CHN1: variants seen among roughly 807,000 people sequenced by gnomAD.
The protein encoded by CHN1 is chimerin 1.
In CHN1, 37 loss-of-function variants were observed where a neutral mutation model predicts 59.5. The ratio of observed to expected loss-of-function variants is 0.62; its 90% CI spans 0.48 to 0.82. The LOEUF (loss-of-function observed/expected upper bound fraction) is 0.82. Ranked by LOEUF, CHN1 falls within the 40% of genes least tolerant of loss-of-function variation. CHN1 has a pLI of 0.00. For missense variants in CHN1, 469 were observed against 571.0 expected (o/e 0.82, Z 1.82); for synonymous variants, 206 against 200.4 (o/e 1.03, Z -0.24).
chr2:174,962,683 G>C (rs1451755581), intron 1 of CHN1, among the ~76,000 whole-genome samples: 2 of 74,912 alleles, frequency 2.7e-5, no homozygotes, highest in Non-Finnish European at 5.6e-5. Flanking sequence ...GGGGGGGGGG[G>C]CAGATCACCT....
intron 5 of CHN1, among the ~76,000 whole-genome samples, chr2:174,887,091 C>T (rs1687917285): frequency 6.6e-6 from 1 of 151,964 alleles, no homozygotes; most frequent in African/African-American, 2.4e-5. Flanking sequence ...TTCTTTTGTG[C>T]TTGGATAGCT....
At chr2:174,875,045 T>C (rs1222324480) in intron 6 of CHN1, among the ~76,000 whole-genome samples, 3 of 151,902 alleles carry the variant, frequency 2.0e-5, no homozygotes, top group African/African-American at 7.3e-5. Context: ...GGCTAATTTT[T>C]GTATTTTTAG....
chr2:174,959,545 G>A (rs76754451), intron 1 of CHN1, among the ~76,000 whole-genome samples: 5 of 152,142 alleles, frequency 3.3e-5, no homozygotes, highest in Admixed American at 6.6e-5. Context: ...TCCTGAAAAG[G>A]AAGAAACATT....
intron 1 of CHN1, among the ~76,000 whole-genome samples, chr2:174,977,393 C>CT (rs1690982527): frequency 1.3e-5 from 2 of 152,174 alleles, no homozygotes; most frequent in South Asian, 4.1e-4. Context: ...AAATCTTCCT[C>CT]TGTCAAAGAA....
chr2:174,839,407 G>A (rs918494167), intron 7 of CHN1, among the ~76,000 whole-genome samples: 2 of 152,146 alleles, frequency 1.3e-5, no homozygotes, highest in African/African-American at 2.4e-5. Flanking sequence ...GATGTTAAGT[G>A]AAATAAGTCA....
At chr2:174,910,267 C>A (rs986969959) in intron 5 of CHN1, among the ~76,000 whole-genome samples, 5 of 152,076 alleles carry the variant, frequency 3.3e-5, no homozygotes, top group Non-Finnish European at 7.4e-5. Context: ...CAGGTTAAGT[C>A]ATTGTGAAAA....
At chr2:174,997,791 G>T (rs1691756532) in intron 1 of CHN1, among the ~76,000 whole-genome samples, 1 of 152,060 alleles carries the variant, frequency 6.6e-6, no homozygotes, top group Non-Finnish European at 1.5e-5. Context: ...CAGCACTTTG[G>T]GAGACCGAGG....
At chr2:174,900,956 C>T (rs1282919748) in intron 5 of CHN1, among the ~76,000 whole-genome samples, 2 of 151,916 alleles carry the variant, frequency 1.3e-5, no homozygotes, top group Non-Finnish European at 2.9e-5. Flanking sequence ...CAAAGACCAA[C>T]AAAAATAGAG....
intron 5 of CHN1, among the ~76,000 whole-genome samples, chr2:174,885,176 G>A (rs552187122): frequency 9.3e-5 from 14 of 151,090 alleles, no homozygotes; most frequent in African/African-American, 3.2e-4. Context: ...TCAGGAGGAC[G>A]AGACAGGAGA....
chr2:174,947,876 T>C (rs992138932), intron 2 of CHN1, among the ~76,000 whole-genome samples: 6 of 152,150 alleles, frequency 3.9e-5, no homozygotes, highest in African/African-American at 1.4e-4. Context: ...AGTAATGAGG[T>C]CTAATTCAGG....
chr2:174,879,081 A>G (rs1004445353), intron 5 of CHN1, among the ~76,000 whole-genome samples: 5 of 152,240 alleles, frequency 3.3e-5, no homozygotes, highest in South Asian at 2.1e-4. Flanking sequence ...GAGTGAGACT[A>G]ATTAAAAACT....
chr2:174,937,366 A>C (rs1304572046), intron 3 of CHN1, among the ~76,000 whole-genome samples: 2 of 152,222 alleles, frequency 1.3e-5, no homozygotes, highest in African/African-American at 4.8e-5. Context: ...AATGGAATGG[A>C]AATGTGCACA....
At chr2:174,804,156 G>A (rs902676409) in intron 11 of CHN1, among the ~76,000 whole-genome samples, 1 of 152,150 alleles carries the variant, frequency 6.6e-6, no homozygotes, top group Non-Finnish European at 1.5e-5. Flanking sequence ...TAAGTGGGGT[G>A]GTCAGGATAG....
At chr2:174,805,535 G>T (rs1337857317) in intron 11 of CHN1, among the ~76,000 whole-genome samples, 3 of 152,314 alleles carry the variant, frequency 2.0e-5, no homozygotes, top group Middle Eastern at 3.4e-3. Flanking sequence ...CTTCCAGCAT[G>T]AAGGAAGGAG....
At chr2:174,839,903 C>T (rs1002329280) in intron 7 of CHN1, among the ~76,000 whole-genome samples, 6 of 151,996 alleles carry the variant, frequency 3.9e-5, no homozygotes, top group African/African-American at 1.5e-4. Context: ...TGCACCTGGC[C>T]TTACTTAAAT....
rs139584684 is a variant in CHN1 at position 174,920,061 on chromosome 2, C to T, written c.115-1496G>A. Among the ~76,000 whole-genome samples the T allele has an allele frequency of 4.4e-3, 675 of 152,252 alleles. 6 individuals are homozygous for T. Among genetic ancestry groups the T allele is most frequent in the African/African-American group, 0.015 (636 of 41,548 alleles). ...TGCAGTATTTGTCTTTCTGGGCCTG[C>T]TTTGTTTCACTTAACATAAGGTCCT... On this transcript the variant is annotated intron_variant, in intron 3 of 12. Coordinates refer to ENST00000409900, the MANE Select transcript of CHN1 (RefSeq NM_001822.7).
chr2:174,965,145 AT>A (rs1288579938), intron 1 of CHN1, among the ~76,000 whole-genome samples: 1 of 152,108 alleles, frequency 6.6e-6, no homozygotes, highest in Non-Finnish European at 1.5e-5. Flanking sequence ...TTACTTACAA[AT>A]ACCTTAATGT....
rs143131994 is a variant in CHN1, at chr2:174,933,318, G to A, written c.114+11570C>T. On this transcript the variant is annotated intron_variant, in intron 3 of 12. Transcript: ENST00000409900. Reference sequence around the variant, plus strand: ...AGAAGAGAAGAGGAGAGGATTTGGGGGCACCCCAAAATCAAGAGATCAGGT... The same window carrying A: ...AGAAGAGAAGAGGAGAGGATTTGGGAGCACCCCAAAATCAAGAGATCAGGT... Among the ~76,000 whole-genome samples, 22 of 152,116 alleles carry A rather than the reference G, an allele frequency of 1.4e-4. No individual in the cohort carries two copies. The East Asian group carries it at 4.2e-3, about 29-fold the overall frequency.
intron 6 of CHN1, among the ~76,000 whole-genome samples, chr2:174,863,264 T>C (rs1687121468): frequency 6.6e-6 from 1 of 152,186 alleles, no homozygotes; most frequent in Admixed American, 6.5e-5. Flanking sequence ...AAAGATCCAT[T>C]TGAAGTTCAA....
Sources: gnomAD v4.1 joint callset for allele counts (sites outside exome capture counted in the v4.1 genomes callset) on GRCh38, gnomAD v4.1.1 for gene constraint, MANE v1.5 for transcripts, NCBI Gene and HGNC (gene_info 2026-07-23, HGNC 2026-07-21) for gene names.